SH3GL2: variants seen among roughly 807,000 people sequenced by gnomAD.
The protein encoded by SH3GL2 is SH3 domain containing GRB2 like 2, endophilin A1.
Under a neutral mutation model 46.0 loss-of-function variants are expected in SH3GL2, and 24 were observed. That is an observed-to-expected ratio of 0.52 (90% CI 0.38 to 0.73). SH3GL2 has a LOEUF of 0.73. Among genes scored for constraint, SH3GL2 ranks in the 30% least tolerant of loss-of-function variants. The probability of loss-of-function intolerance (pLI) is 0.00; values close to 1 mark genes in which losing one functional copy is unlikely to be tolerated. For synonymous variants in SH3GL2, 196 were observed against 147.1 expected (o/e 1.33, Z -2.40); for missense variants, 413 against 424.2 (o/e 0.97, Z 0.23).
chr9:17,636,851 G>A lies in SH3GL2; in HGVS notation c.45+57564G>A, dbSNP rs146087746. Among the ~76,000 whole-genome samples, 676 of 152,270 alleles carry A rather than the reference G, an allele frequency of 4.4e-3. 2 individuals carry two copies. Among genetic ancestry groups the A allele is most frequent in the African/African-American group, 0.015 (643 of 41,552 alleles). On this transcript the variant is annotated intron_variant, in intron 1 of 8. Transcript: ENST00000380607. ...TATTGTTATAACAATTGCCTGCCCTGTGTTTCCTGGGTGGTTTTCTTTATT... is the reference window on the plus strand; with the variant it reads ...TATTGTTATAACAATTGCCTGCCCTATGTTTCCTGGGTGGTTTTCTTTATT...
At chr9:17,769,638 C>G (rs1823415230) in intron 3 of SH3GL2, among the ~76,000 whole-genome samples, 1 of 152,104 alleles carries the variant, frequency 6.6e-6, no homozygotes, top group South Asian at 2.1e-4. Context: ...CCTGTACAGT[C>G]CTTTCCTGCC....
chr9:17,751,869 G>T (rs1024560348), intron 2 of SH3GL2, among the ~76,000 whole-genome samples: 7 of 152,132 alleles, frequency 4.6e-5, no homozygotes, highest in Non-Finnish European at 7.4e-5. Flanking sequence ...CCGGTGTGGG[G>T]ATGTAAGAAG....
chr9:17,597,926 G>T (rs1037143448), intron 1 of SH3GL2, among the ~76,000 whole-genome samples: 3 of 152,166 alleles, frequency 2.0e-5, no homozygotes, highest in South Asian at 2.1e-4. Flanking sequence ...GCCAGGCTCT[G>T]TGCTGAGTTT....
At chr9:17,650,352 A>G (rs1049964285) in intron 1 of SH3GL2, among the ~76,000 whole-genome samples, 2 of 152,000 alleles carry the variant, frequency 1.3e-5, no homozygotes, top group African/African-American at 2.4e-5. Context: ...ATTTGAGGTG[A>G]TATCCACTTG....
At chr9:17,727,603 C>T in intron 1 of SH3GL2, among the ~76,000 whole-genome samples, 1 of 143,220 alleles carries the variant, frequency 7.0e-6, no homozygotes, top group East Asian at 2.0e-4. Flanking sequence ...TCAGTTCTTC[C>T]TGGGGGCAGC....
chr9:17,686,787 T>G (rs1262570124), intron 1 of SH3GL2, among the ~76,000 whole-genome samples: 4 of 104,476 alleles, frequency 3.8e-5, no homozygotes, highest in South Asian at 3.4e-4. Context: ...TGGGGACTGT[T>G]GTGGGGTGGG....
intron 3 of SH3GL2, among the ~76,000 whole-genome samples, chr9:17,774,319 C>T (rs1339928830): frequency 2.6e-5 from 4 of 152,076 alleles, no homozygotes; most frequent in Admixed American, 1.3e-4. Flanking sequence ...ACTTTCAGTA[C>T]TGTGTTGAAT....
chr9:17,763,099 A>G (rs1823224887), intron 3 of SH3GL2, among the ~76,000 whole-genome samples: 3 of 152,198 alleles, frequency 2.0e-5, no homozygotes, highest in South Asian at 2.1e-4. Flanking sequence ...TATATGAGGC[A>G]TTGTCTCATC....
At chr9:17,746,143 C>G (rs948904234) in intron 1 of SH3GL2, among the ~76,000 whole-genome samples, 12 of 152,122 alleles carry the variant, frequency 7.9e-5, no homozygotes, top group Admixed American at 2.0e-4. Flanking sequence ...GGTGGGATCT[C>G]CGCTCACTGC....
chr9:17,768,788 A>G, intron 3 of SH3GL2, among the ~76,000 whole-genome samples: 1 of 152,160 alleles, frequency 6.6e-6, no homozygotes, highest in Non-Finnish European at 1.5e-5. Flanking sequence ...CTGAGGGCCA[A>G]GTCGAAATCA....
chr9:17,583,882 G>A (rs764128426), intron 1 of SH3GL2, among the ~76,000 whole-genome samples: 1 of 152,154 alleles, frequency 6.6e-6, no homozygotes, highest in South Asian at 2.1e-4. Context: ...TTGGTGAGAT[G>A]TTAAACTTAC....
chr9:17,615,982 G>A (rs1413304667), intron 1 of SH3GL2, among the ~76,000 whole-genome samples: 2 of 152,220 alleles, frequency 1.3e-5, no homozygotes, highest in Non-Finnish European at 2.9e-5. Flanking sequence ...TCAATGGCAG[G>A]ACCCCAGAGA....
chr9:17,789,758 A>G, intron 6 of SH3GL2: 1 of 984,218 alleles, frequency 1.0e-6, no homozygotes, highest in Non-Finnish European at 1.2e-6. Context: ...GTTTAACTAG[A>G]TTCTCGACTG....
intron 1 of SH3GL2, among the ~76,000 whole-genome samples, chr9:17,619,758 C>T (rs1819094554): frequency 1.3e-5 from 2 of 152,172 alleles, no homozygotes; most frequent in African/African-American, 2.4e-5. Flanking sequence ...TAGGCTCTGT[C>T]CATTTTTTCA....
intron 1 of SH3GL2, among the ~76,000 whole-genome samples, chr9:17,681,017 T>G (rs11999670): frequency 6.6e-6 from 1 of 152,140 alleles, no homozygotes; most frequent in African/African-American, 2.4e-5. Context: ...ATTTCTGTTC[T>G]TTTACATTTG....
At chr9:17,626,758 C>G (rs372186203) in intron 1 of SH3GL2, among the ~76,000 whole-genome samples, 1 of 152,182 alleles carries the variant, frequency 6.6e-6, no homozygotes, top group South Asian at 2.1e-4. Flanking sequence ...CAGTCCCTCT[C>G]CAAAGTATGG....
At chr9:17,642,669 G>T (rs1271204243) in intron 1 of SH3GL2, among the ~76,000 whole-genome samples, 1 of 152,090 alleles carries the variant, frequency 6.6e-6, no homozygotes, top group African/African-American at 2.4e-5. Context: ...TTGCAGATGT[G>T]CGGTGCTATT....
intron 2 of SH3GL2, among the ~76,000 whole-genome samples, chr9:17,752,632 G>A (rs1423145504): frequency 6.6e-6 from 1 of 152,020 alleles, no homozygotes; most frequent in Admixed American, 6.6e-5. Context: ...CAAGTAGCTA[G>A]GACTACCAGC....
At chr9:17,740,419 G>A (rs1008611306) in intron 1 of SH3GL2, among the ~76,000 whole-genome samples, 4 of 150,112 alleles carry the variant, frequency 2.7e-5, no homozygotes, top group African/African-American at 9.7e-5. Flanking sequence ...GAATACTGCT[G>A]AAATTTCACT....
Sources: gnomAD v4.1 joint callset for allele counts (sites outside exome capture counted in the v4.1 genomes callset) on GRCh38, gnomAD v4.1.1 for gene constraint, MANE v1.5 for transcripts, NCBI Gene and HGNC (gene_info 2026-07-23, HGNC 2026-07-21) for gene names.